The following DPP6 variants were observed in gnomAD, a reference collection of about 807,000 sequenced individuals.
DPP6 encodes dipeptidyl peptidase like 6.
In DPP6, 69 loss-of-function variants were observed where a neutral mutation model predicts 122.6. The ratio of observed to expected loss-of-function variants is 0.56; its 90% confidence interval spans 0.46 to 0.69. DPP6 has a LOEUF of 0.69. Ranked by LOEUF, DPP6 falls within the 30% of genes least tolerant of loss-of-function variation. The probability of loss-of-function intolerance (pLI) is 0.00; values close to 1 mark genes in which losing one functional copy is unlikely to be tolerated. For missense variants in DPP6, 928 were observed against 1,116.9 expected, an observed-to-expected ratio of 0.83 and a Z score of 2.41; for synonymous variants, 418 against 433.1, an observed-to-expected ratio of 0.97 and a Z score of 0.43.
chr7:154,691,760 G>A (rs62475215), intron 7 of DPP6, among the ~76,000 whole-genome samples: 17,765 of 151,924 alleles, frequency 0.12, 1,343 homozygotes, highest in African/African-American at 0.21. Context: ...TGGAGGTGGC[G>A]GTGAGCCAAG....
intron 5 of DPP6, among the ~76,000 whole-genome samples, chr7:154,612,513 T>C (rs1222141614): frequency 6.6e-6 from 1 of 152,244 alleles, no homozygotes; most frequent in Admixed American, 6.5e-5. Context: ...CGGAGTAATA[T>C]TCCATGGTAT....
intron 17 of DPP6, among the ~76,000 whole-genome samples, chr7:154,867,340 G>A (rs3807281): frequency 0.027 from 4,087 of 152,200 alleles, 216 homozygotes; most frequent in Admixed American, 0.14. Context: ...GTGCTGTCGC[G>A]GCAGAGGCAC....
chr7:154,585,860 G>A (rs565693991), intron 5 of DPP6, among the ~76,000 whole-genome samples: 47 of 152,288 alleles, frequency 3.1e-4, no homozygotes, highest in Non-Finnish European at 5.6e-4. Context: ...TCTGAAGGAG[G>A]GGGCTTTGGG....
the DPP6 span, among the ~76,000 whole-genome samples, chr7:153,770,390 G>C: frequency 4.6e-5 from 7 of 152,106 alleles, 1 homozygote; most frequent in African/African-American, 7.2e-5. Context: ...GAAGAACAAA[G>C]AACAAAGAAG....
At chr7:154,340,078 GA>G (rs1228052472) in intron 1 of DPP6, among the ~76,000 whole-genome samples, 6 of 148,408 alleles carry the variant, frequency 4.0e-5, no homozygotes, top group Admixed American at 6.7e-5. Flanking sequence ...ACCTCGCAAA[GA>G]AAAAAAAAAT....
Position 154,540,616 on chromosome 7 carries a change from G to A in DPP6, c.542G>A (p.Gly181Asp), listed in dbSNP as rs1256096759. ...ETNTSTVLIE[G>D]KKIESLRAIR... ...AATACTTCTACTGTCTTAATAGAAG[G>A]CAAAAAAATTGTAAGTACTCTCTTT... The change falls in exon 4 of 26, where the codon GGC becomes GAC. Residue 181 changes from glycine to aspartate, a missense_variant. Coordinates refer to ENST00000377770, the MANE Select transcript of DPP6 (RefSeq NM_130797.4). 3.2e-6 allele frequency: 5 copies of A among 1,568,452 alleles called. No homozygotes were observed. Among genetic ancestry groups the A allele is most frequent in the Admixed American group, 3.9e-5 (2 of 51,616 alleles).
At chr7:154,020,822 CATG>C in intron 1 of DPP6, among the ~76,000 whole-genome samples, 1 of 152,138 alleles carries the variant, frequency 6.6e-6, no homozygotes, top group South Asian at 2.1e-4. Flanking sequence ...GCAAGAGAAA[CATG>C]AGGCATTTAG....
intron 7 of DPP6, among the ~76,000 whole-genome samples, chr7:154,687,831 C>T (rs1206893959): frequency 6.6e-6 from 1 of 152,026 alleles, no homozygotes; most frequent in Non-Finnish European, 1.5e-5. Flanking sequence ...GTCTTTAGTC[C>T]CCCTGAACTG....
At chr7:154,569,806 G>T (rs1409128000) in intron 5 of DPP6, among the ~76,000 whole-genome samples, 2 of 150,742 alleles carry the variant, frequency 1.3e-5, no homozygotes, top group African/African-American at 4.9e-5. Flanking sequence ...GCTTCTCTTT[G>T]TTGCCTGCCC....
At chr7:154,194,549 C>T (rs1366402144) in intron 1 of DPP6, among the ~76,000 whole-genome samples, 3 of 152,224 alleles carry the variant, frequency 2.0e-5, no homozygotes, top group Non-Finnish European at 4.4e-5. Flanking sequence ...CCTCGCTCCT[C>T]CCAGGCAGCC....
intron 4 of DPP6, among the ~76,000 whole-genome samples, chr7:154,547,942 C>T (rs1036950387): frequency 6.6e-6 from 1 of 152,242 alleles, no homozygotes; most frequent in Non-Finnish European, 1.5e-5. Context: ...AGCACAGTGG[C>T]TCACGCGTGT....
intron 1 of DPP6, among the ~76,000 whole-genome samples, chr7:153,919,930 C>T (rs767760187): frequency 1.3e-5 from 2 of 152,170 alleles, no homozygotes; most frequent in Non-Finnish European, 2.9e-5. Flanking sequence ...ATTGACTTTT[C>T]AGGTCCTAGA....
the DPP6 span, among the ~76,000 whole-genome samples, chr7:153,766,576 T>C: frequency 6.6e-6 from 1 of 152,162 alleles, no homozygotes; most frequent in Non-Finnish European, 1.5e-5. Flanking sequence ...ACAGTGAAGA[T>C]ACAAGAGTGA....
chr7:153,990,581 C>A (rs1353523983), intron 1 of DPP6, among the ~76,000 whole-genome samples: 3 of 152,116 alleles, frequency 2.0e-5, no homozygotes, highest in Admixed American at 6.5e-5. Context: ...AGGTGGCTTC[C>A]GAGAACAGGT....
At chr7:154,278,804 A>G (rs1480628508) in intron 1 of DPP6, among the ~76,000 whole-genome samples, 1 of 152,116 alleles carries the variant, frequency 6.6e-6, no homozygotes, top group Non-Finnish European at 1.5e-5. Context: ...GTATGAGTGT[A>G]TGTATGTGTG....
chr7:154,109,103 A>G (rs1806372944), intron 1 of DPP6, among the ~76,000 whole-genome samples: 1 of 152,244 alleles, frequency 6.6e-6, no homozygotes, highest in African/African-American at 2.4e-5. Flanking sequence ...AGCGTTGCTT[A>G]CTGAGATTTT....
At chr7:154,631,167 A>C (rs1182283600) in intron 5 of DPP6, among the ~76,000 whole-genome samples, 2 of 152,224 alleles carry the variant, frequency 1.3e-5, no homozygotes, top group African/African-American at 2.4e-5. Context: ...GGGACCTGCC[A>C]GACCAAGGCT....
intron 1 of DPP6, among the ~76,000 whole-genome samples, chr7:154,252,160 T>C (rs1037493668): frequency 6.6e-6 from 1 of 152,166 alleles, no homozygotes; most frequent in African/African-American, 2.4e-5. Flanking sequence ...TATAACAGGG[T>C]GAGCACATTT....
intron 5 of DPP6, among the ~76,000 whole-genome samples, chr7:154,635,094 A>G (rs1835655560): frequency 6.6e-6 from 1 of 152,196 alleles, no homozygotes; most frequent in African/African-American, 2.4e-5. Flanking sequence ...GGGATTGTTT[A>G]GAGAGAGACA....
Sources: gnomAD v4.1 joint callset for allele counts (sites outside exome capture counted in the v4.1 genomes callset) on GRCh38, gnomAD v4.1.1 for gene constraint, MANE v1.5 for transcripts, NCBI Gene and HGNC (gene_info 2026-07-23, HGNC 2026-07-21) for gene names.